CNMD: variants seen among roughly 807,000 people sequenced by gnomAD.
CNMD encodes the protein chondromodulin, also known as leukocyte cell-derived chemotaxin 1.
Under a neutral mutation model 37.5 loss-of-function variants are expected in CNMD, and 30 were observed. The ratio of observed to expected loss-of-function variants is 0.80; its 90% confidence interval spans 0.60 to 1.09. The LOEUF is 1.09. CNMD is among the 50% of genes least tolerant of loss of function. The pLI is 0.00. For synonymous variants in CNMD, 167 were observed against 148.2 expected (o/e 1.13, Z -0.92); for missense variants, 398 against 423.9 (o/e 0.94, Z 0.54).
chr13:52,714,625 C>A (rs1964339183), intron 4 of CNMD, among the ~76,000 whole-genome samples: 1 of 151,568 alleles, frequency 6.6e-6, no homozygotes, highest in Admixed American at 6.6e-5. Context: ...ATTGAAGATA[C>A]CTGAAGTGTT....
chr13:52,714,578 AAT>A (rs1412531708), intron 4 of CNMD, among the ~76,000 whole-genome samples: 2 of 152,208 alleles, frequency 1.3e-5, no homozygotes, highest in Middle Eastern at 3.2e-3. Flanking sequence ...GGTATTTAAA[AAT>A]AGTTATTTTT....
Position 52,739,405 on chromosome 13 carries a change from C to G in CNMD, c.72+225G>C. The G allele has an allele frequency of 3.0e-6, 2 of 668,322 alleles. No individual in the cohort carries two copies. The highest frequency in any genetic ancestry group is 3.8e-5 in the South Asian group (2 of 52,802). The allele number at this position is 668,322 out of a possible 1,614,324, so 41.4% of individuals were successfully genotyped here. On this transcript the variant is annotated intron_variant, in intron 1 of 6. Coordinates refer to ENST00000377962, the MANE Select transcript of CNMD (RefSeq NM_007015.3). This position sits in a 1 kb window ranked among gnomAD's most constrained non-coding sequence, Gnocchi z 5.4. ...CAGCACAGGGCCTTCGCCCCAGGAC[C>G]TGCACCCTCTACCGGCCACGGGACG... is the stretch of plus-strand genomic sequence containing the variant.
At chr13:52,728,236 A>G (rs982064230) in intron 3 of CNMD, among the ~76,000 whole-genome samples, 3 of 151,986 alleles carry the variant, frequency 2.0e-5, no homozygotes, top group African/African-American at 4.8e-5. Context: ...AAATACAAAA[A>G]TTAGTTGGGC....
intron 4 of CNMD, among the ~76,000 whole-genome samples, chr13:52,718,089 G>A (rs1206228674): frequency 6.6e-6 from 1 of 152,130 alleles, no homozygotes; most frequent in Non-Finnish European, 1.5e-5. Context: ...ATGTGTCCAG[G>A]AATTTACCCA....
chr13:52,724,136 A>G (rs767624410), intron 3 of CNMD, 26 bp from the exon 4 acceptor site: 20 of 1,498,244 alleles, frequency 1.3e-5, no homozygotes, highest in South Asian at 1.1e-5. Context: ...GTATCCATCT[A>G]TCTATCCATT....
chr13:52,706,377 T>C (rs1260708524), intron 6 of CNMD, among the ~76,000 whole-genome samples: 2 of 152,182 alleles, frequency 1.3e-5, no homozygotes, highest in African/African-American at 4.8e-5. Context: ...CTTCCATGTG[T>C]GTACAAAGAG....
At chr13:52,722,952 G>GTGA (rs35677590) in intron 4 of CNMD, among the ~76,000 whole-genome samples, 35 of 152,342 alleles carry the variant, frequency 2.3e-4, no homozygotes, top group African/African-American at 6.5e-4. Context: ...ACCACCCTCA[G>GTGA]TGATGCTGGC....
At position 52,739,480 on chromosome 13, in the gene CNMD, G is replaced by T; in HGVS notation, c.72+150C>A. ...CCGTGACCCCTGCACACTCATACGC[G>T]TGGGGCGACATCCCACCCACACATT... On this transcript the variant is annotated intron_variant, in intron 1 of 6. Coordinates refer to ENST00000377962, the MANE Select transcript of CNMD (RefSeq NM_007015.3). The surrounding 1 kb of genome is among the most constrained non-coding windows in gnomAD (Gnocchi z 5.4). 1 of 750,990 alleles carries T rather than the reference G, an allele frequency of 1.3e-6. No individual in the cohort carries two copies. The highest frequency in any genetic ancestry group is 2.3e-6 in the Non-Finnish European group (1 of 439,910). 46.5% of individuals were successfully genotyped at this position (750,990 alleles called of 1,614,324 possible).
intron 4 of CNMD, among the ~76,000 whole-genome samples, chr13:52,713,133 C>T (rs946073562): frequency 2.0e-5 from 3 of 152,164 alleles, no homozygotes; most frequent in African/African-American, 7.2e-5. Flanking sequence ...GTGAAAATTA[C>T]TTGATACCAA....
intron 3 of CNMD, among the ~76,000 whole-genome samples, 167 bp from the exon 4 acceptor site, chr13:52,724,277 A>T (rs1964533599): frequency 6.6e-6 from 1 of 152,094 alleles, no homozygotes; most frequent in Admixed American, 6.6e-5. Context: ...TACCAATAAT[A>T]AAAAACAGCC....
chr13:52,717,589 T>C (rs1287624113), intron 4 of CNMD, among the ~76,000 whole-genome samples: 1 of 152,240 alleles, frequency 6.6e-6, no homozygotes, highest in Admixed American at 6.5e-5. Context: ...TTTCTGCCTC[T>C]ATTGAGATAA....
intron 6 of CNMD, among the ~76,000 whole-genome samples, chr13:52,707,730 CAACTG>C (rs1235110756): frequency 2.0e-5 from 3 of 152,086 alleles, no homozygotes; most frequent in Non-Finnish European, 4.4e-5. Flanking sequence ...GCACAGAAAA[CAACTG>C]AATAATAAGG....
chr13:52,724,665 C>G (rs867073891), intron 3 of CNMD, among the ~76,000 whole-genome samples: 21 of 152,002 alleles, frequency 1.4e-4, no homozygotes, highest in African/African-American at 4.3e-4. Context: ...GGGAGGCCGA[C>G]GCGGGCAGAT....
rs766642834 is a variant in CNMD, at chr13:52,712,665, A to G, written c.622+51T>C. 4 of 1,293,928 alleles carry G rather than the reference A, an allele frequency of 3.1e-6. No homozygotes were observed. In the South Asian group the frequency reaches 6.5e-5, roughly 21 times the overall value. 80.2% of individuals were successfully genotyped at this position (1,293,928 alleles called of 1,614,324 possible). On this transcript the variant is annotated intron_variant, in intron 5 of 6. Coordinates refer to ENST00000377962, the MANE Select transcript of CNMD (RefSeq NM_007015.3). ...GTGGAGGGGGTTGGAGGAACCTCACATGCATGAACAGGGAAAGTTGTAAAC... is the reference window on the plus strand; with the variant it reads ...GTGGAGGGGGTTGGAGGAACCTCACGTGCATGAACAGGGAAAGTTGTAAAC...
At position 52,703,664 on chromosome 13, in the gene CNMD, G is replaced by C. The variant is rs1594272573; in HGVS notation, c.936C>G (p.Gly312=). The part of the protein sequence containing the change: ...GYYPWPYNYQ[G]CRSACRVIMP... The stretch of plus-strand genomic sequence containing the variant: ...TGATGACTCTGCAGGCCGAACGGCA[G>C]CCTTGATAATTATAAGGCCATGGGT... The change falls in exon 7 of 7, where the codon GGC becomes GGG. Residue 312 remains glycine, a synonymous_variant. Coordinates refer to ENST00000377962, the MANE Select transcript of CNMD (RefSeq NM_007015.3). 6.2e-7 allele frequency: 1 copy of C among 1,614,158 alleles called. No individual in the cohort carries two copies. The highest frequency in any genetic ancestry group is 1.7e-5 in the Admixed American group (1 of 60,024).
intron 4 of CNMD, among the ~76,000 whole-genome samples, chr13:52,718,123 T>C (rs1964421215): frequency 6.6e-6 from 1 of 152,210 alleles, no homozygotes; most frequent in African/African-American, 2.4e-5. Context: ...TTCTAGTTTA[T>C]TTGTGTAGAG....
chr13:52,735,619 G>T (rs761507737), intron 2 of CNMD, among the ~76,000 whole-genome samples: 5 of 151,008 alleles, frequency 3.3e-5, no homozygotes, highest in Non-Finnish European at 7.4e-5. Flanking sequence ...AAGAAGAATT[G>T]TCTTGGACCA....
Position 52,739,441 on chromosome 13 carries a change from C to A in CNMD, c.72+189G>T. The A allele has an allele frequency of 1.5e-6, 1 of 675,058 alleles. No homozygotes were observed. The highest frequency in any genetic ancestry group is 2.8e-5 in the East Asian group (1 of 35,948). The allele number at this position is 675,058 out of a possible 1,614,324, so 41.8% of individuals were successfully genotyped here. A position where few individuals can be genotyped will look rare whatever the true frequency, so the allele number is the denominator to read the frequency against. Reference sequence around the variant, plus strand: ...ACCGGCCACGGGACGTCCCTCCGCACCCGCCTGTGGATGCCGTGACCCCTG... The same window carrying A: ...ACCGGCCACGGGACGTCCCTCCGCAACCGCCTGTGGATGCCGTGACCCCTG... On this transcript the variant is annotated intron_variant, in intron 1 of 6. Transcript: ENST00000377962. The surrounding 1 kb of genome is among the most constrained non-coding windows in gnomAD (Gnocchi z 5.4).
chr13:52,718,796 T>C (rs1381131361), intron 4 of CNMD, among the ~76,000 whole-genome samples: 1 of 152,234 alleles, frequency 6.6e-6, no homozygotes, highest in African/African-American at 2.4e-5. Flanking sequence ...GAAGAATGTA[T>C]ATTCTGTTGA....
Sources: allele counts gnomAD v4.1 joint callset (sites outside exome capture counted in the v4.1 genomes callset), GRCh38; gene constraint gnomAD v4.1.1; non-coding constraint Gnocchi (gnomAD v3.1); transcripts MANE v1.5; gene names NCBI Gene and HGNC (gene_info 2026-07-23, HGNC 2026-07-21).